The following RUFY2 variants were observed in gnomAD, a reference collection of about 807,000 sequenced individuals.
RUFY2 encodes RUN and FYVE domain containing 2.
In RUFY2, 49 loss-of-function variants were observed where a neutral mutation model predicts 94.4. The ratio of observed to expected loss-of-function variants is 0.52; its 90% CI spans 0.41 to 0.66. The LOEUF (loss-of-function observed/expected upper bound fraction) is 0.66, where lower values mean the gene tolerates loss of function less well. RUFY2 is among the 30% of genes least tolerant of loss of function. RUFY2 has a pLI of 0.00. For synonymous variants in RUFY2, 255 were observed against 235.7 expected (o/e 1.08, Z -0.75); for missense variants, 541 against 692.8 (o/e 0.78, Z 2.46).
chr10:68,359,008 C>A (rs964488171), intron 15 of RUFY2, among the ~76,000 whole-genome samples: 9 of 152,082 alleles, frequency 5.9e-5, no homozygotes, highest in Non-Finnish European at 7.4e-5. Flanking sequence ...AAAAAGACGG[C>A]CTCTCTATGA....
intron 16 of RUFY2, among the ~76,000 whole-genome samples, chr10:68,347,535 C>T (rs1589753276): frequency 6.6e-6 from 1 of 152,044 alleles, no homozygotes; most frequent in African/African-American, 2.4e-5. Flanking sequence ...CCGCCCACTT[C>T]GGCCTCCCAA....
intron 16 of RUFY2, among the ~76,000 whole-genome samples, chr10:68,354,325 C>T (rs192185462): frequency 6.6e-6 from 1 of 152,144 alleles, no homozygotes; most frequent in East Asian, 1.9e-4. Flanking sequence ...TATAGACCTG[C>T]ACCACCACAC....
At chr10:68,358,577 G>C (rs2047214298) in intron 15 of RUFY2, among the ~76,000 whole-genome samples, 1 of 152,176 alleles carries the variant, frequency 6.6e-6, no homozygotes, top group African/African-American at 2.4e-5. Context: ...CAGAAAAACT[G>C]AATATGGAAT....
intron 13 of RUFY2, among the ~76,000 whole-genome samples, chr10:68,374,948 T>C (rs1412420648): frequency 6.6e-6 from 1 of 152,210 alleles, no homozygotes; most frequent in Non-Finnish European, 1.5e-5. Flanking sequence ...TCTATCTATA[T>C]ATAAATATAT....
chr10:68,360,221 T>G (rs2047364774), intron 15 of RUFY2, among the ~76,000 whole-genome samples: 1 of 151,916 alleles, frequency 6.6e-6, no homozygotes, highest in Non-Finnish European at 1.5e-5. Flanking sequence ...GAGCATCATT[T>G]GAGCCCAGGA....
At chr10:68,394,298 C>T in intron 5 of RUFY2, 30 bp downstream of exon 5, 1 of 1,613,416 alleles carries the variant, frequency 6.2e-7, no homozygotes, top group South Asian at 1.1e-5. Flanking sequence ...TGAAAACACT[C>T]TGCATTTGGC....
intron 7 of RUFY2, among the ~76,000 whole-genome samples, chr10:68,388,582 A>G (rs1290237122): frequency 6.6e-6 from 1 of 152,180 alleles, no homozygotes; most frequent in Non-Finnish European, 1.5e-5. Flanking sequence ...AACATCTATA[A>G]TACCAACACT....
intron 7 of RUFY2, among the ~76,000 whole-genome samples, chr10:68,392,801 G>A (rs1032626340): frequency 2.0e-5 from 3 of 150,382 alleles, no homozygotes; most frequent in Non-Finnish European, 4.4e-5. Flanking sequence ...GGTGGTGCGC[G>A]CCTATAGTCC....
rs757074344 is a variant in RUFY2 at position 68,359,409 on chromosome 10, AAT to A, written c.1551-4010_1551-4009del. 9.8e-3 allele frequency among the ~76,000 whole-genome samples: 864 copies of A among 88,252 alleles called. 32 individuals are homozygous for A. Among genetic ancestry groups the A allele is most frequent in the African/African-American group, 0.026 (824 of 31,682 alleles). The allele number at this position is 88,252 out of a possible 152,430, so 57.9% of individuals were successfully genotyped here. A position where few individuals can be genotyped will look rare whatever the true frequency, so the allele number is the denominator to read the frequency against. On this transcript the variant is annotated intron_variant, in intron 15 of 17. Coordinates refer to ENST00000602465, the MANE Select transcript of RUFY2 (RefSeq NM_001330103.2). ...ATATATACGTATATATACATATATA[AAT>A]ATGTGTGTATTGCGTGTATATATAC...
At chr10:68,366,281 G>C in intron 13 of RUFY2, among the ~76,000 whole-genome samples, 1 of 120,946 alleles carries the variant, frequency 8.3e-6, no homozygotes, top group South Asian at 2.7e-4. Flanking sequence ...AGTAAGCCAA[G>C]ATCTCACTAC....
intron 15 of RUFY2, among the ~76,000 whole-genome samples, chr10:68,361,115 C>T (rs2047435055): frequency 2.0e-5 from 3 of 151,938 alleles, no homozygotes; most frequent in Non-Finnish European, 4.4e-5. Flanking sequence ...AACGCTGTCT[C>T]TACTAAAAAT....
chr10:68,384,183 A>T, intron 8 of RUFY2, 31 bp from the exon 9 acceptor site: 2 of 1,588,794 alleles, frequency 1.3e-6, no homozygotes, highest in Non-Finnish European at 1.7e-6. Context: ...AAGAAAAAAG[A>T]TTTTAAACAC....
At chr10:68,381,539 G>A (rs537040304) in intron 10 of RUFY2, 140 bp from the exon 11 acceptor site, 197 of 724,272 alleles carry the variant, frequency 2.7e-4, no homozygotes, top group African/African-American at 2.6e-3. Context: ...CCTATAACAA[G>A]GCAATAAATA....
chr10:68,407,205 G>C lies in RUFY2; in HGVS notation c.-16C>G, dbSNP rs1448102153. On this transcript the variant is annotated 5_prime_UTR_variant, in exon 1 of 18. Transcript: ENST00000602465. ...CCTTACCCATGGCGGCGGCGGCTGC[G>C]CGGTCTCGGGCGGAGGCTCCCTCGG... 3 of 1,406,214 alleles carry C rather than the reference G, an allele frequency of 2.1e-6. No homozygotes were observed. The highest frequency in any genetic ancestry group is 3.5e-5 in the Admixed American group (1 of 28,420). The allele number at this position is 1,406,214 out of a possible 1,614,324, so 87.1% of individuals were successfully genotyped here.
intron 8 of RUFY2, among the ~76,000 whole-genome samples, chr10:68,385,390 T>A (rs1320873474): frequency 6.6e-6 from 1 of 151,814 alleles, no homozygotes; most frequent in East Asian, 1.9e-4. Flanking sequence ...TTTAATACAT[T>A]AAAAAAAATC....
chr10:68,401,514 G>T, intron 3 of RUFY2, 106 bp downstream of exon 3: 1 of 666,380 alleles, frequency 1.5e-6, no homozygotes, highest in Non-Finnish European at 2.7e-6. Flanking sequence ...TTAGAAGAAG[G>T]GGACTTAAGA....
intron 2 of RUFY2, among the ~76,000 whole-genome samples, chr10:68,404,270 G>A (rs904994903): frequency 2.0e-5 from 3 of 152,008 alleles, no homozygotes; most frequent in African/African-American, 4.8e-5. Flanking sequence ...ACATATGTTC[G>A]TGTATATATC....
chr10:68,377,887 C>A, intron 12 of RUFY2: 1 of 985,366 alleles, frequency 1.0e-6, no homozygotes, highest in South Asian at 4.7e-5. Context: ...AATGGAGCAA[C>A]CCTCACATAT....
At chr10:68,385,432 G>A (rs945523938) in intron 8 of RUFY2, among the ~76,000 whole-genome samples, 4 of 152,050 alleles carry the variant, frequency 2.6e-5, no homozygotes, top group African/African-American at 9.7e-5. Context: ...AGAGAGCTGA[G>A]ATAAATTTGC....
Sources: allele counts gnomAD v4.1 joint callset (sites outside exome capture counted in the v4.1 genomes callset), GRCh38; gene constraint gnomAD v4.1.1; transcripts MANE v1.5; gene names NCBI Gene and HGNC (gene_info 2026-07-23, HGNC 2026-07-21).